Variants in FSTL5 observed in about 807,000 individuals in gnomAD.
FSTL5 encodes follistatin-related protein 5.
A neutral mutation model predicts 89.1 loss-of-function variants in FSTL5; 62 were observed. The observed-to-expected ratio is 0.70, with a 90% CI of 0.57 to 0.86. The LOEUF (loss-of-function observed/expected upper bound fraction) is 0.86. FSTL5 is among the 40% of genes least tolerant of loss of function. FSTL5 has a pLI of 0.00. For missense variants in FSTL5, 1,057 were observed against 1,001.6 expected, an observed-to-expected ratio of 1.06 and a Z score of -0.75; for synonymous variants, 383 against 346.2, an observed-to-expected ratio of 1.11 and a Z score of -1.18.
At chr4:161,447,969 A>C (rs1019382441) in intron 15 of FSTL5, among the ~76,000 whole-genome samples, 12 of 152,160 alleles carry the variant, frequency 7.9e-5, no homozygotes, top group Non-Finnish European at 1.6e-4. Context: ...ATGAGATAAT[A>C]GGTTCTGAAA....
rs142371673 is a variant in FSTL5, at chr4:161,659,674, C to T, written c.728-3180G>A. 3.7e-3 allele frequency among the ~76,000 whole-genome samples: 560 copies of T among 152,198 alleles called. 2 individuals are homozygous for T. The highest frequency in any genetic ancestry group is 0.012 in the African/African-American group (514 of 41,546). On this transcript the variant is annotated intron_variant, in intron 6 of 15. Coordinates refer to ENST00000306100, the MANE Select transcript of FSTL5 (RefSeq NM_020116.5). ...ATCAAGCTGTAATCCAATTTAAAAA[C>T]GATTTTTATATCTATTACTGTAAAT...
At chr4:161,475,996 G>A (rs1445189772) in intron 13 of FSTL5, among the ~76,000 whole-genome samples, 5 of 151,836 alleles carry the variant, frequency 3.3e-5, no homozygotes, top group East Asian at 1.9e-4. Flanking sequence ...CTCGTGATCC[G>A]CCCGCCTGGG....
At chr4:161,638,339 G>C (rs1481729120) in intron 7 of FSTL5, among the ~76,000 whole-genome samples, 2 of 151,988 alleles carry the variant, frequency 1.3e-5, no homozygotes, top group East Asian at 1.9e-4. Context: ...TGCTGAAGTT[G>C]CTTATCAGCT....
At chr4:161,395,676 AT>A (rs1259229763) in intron 15 of FSTL5, among the ~76,000 whole-genome samples, 1 of 152,018 alleles carries the variant, frequency 6.6e-6, no homozygotes, top group Non-Finnish European at 1.5e-5. Flanking sequence ...ACTGTGGGAG[AT>A]TTTTTTCTCC....
intron 6 of FSTL5, among the ~76,000 whole-genome samples, chr4:161,686,136 T>C (rs1177942852): frequency 2.0e-5 from 3 of 151,110 alleles, no homozygotes; most frequent in African/African-American, 7.3e-5. Context: ...TTTTTTGATA[T>C]GTTTTTGGAT....
chr4:161,566,811 G>A (rs550484654), intron 8 of FSTL5, among the ~76,000 whole-genome samples: 2 of 152,130 alleles, frequency 1.3e-5, no homozygotes, highest in South Asian at 2.1e-4. Flanking sequence ...AGCGTTAAAA[G>A]GTATTAATCT....
intron 12 of FSTL5, among the ~76,000 whole-genome samples, chr4:161,495,868 C>T (rs1578877611): frequency 6.6e-6 from 1 of 152,068 alleles, no homozygotes; most frequent in Admixed American, 6.6e-5. Context: ...GGAAATCTGT[C>T]TTCTAAAATG....
chr4:161,676,750 C>T (rs968924521), intron 6 of FSTL5, among the ~76,000 whole-genome samples: 1 of 147,294 alleles, frequency 6.8e-6, no homozygotes, highest in African/African-American at 2.5e-5. Context: ...CATACACGCA[C>T]ACACACACAC....
rs1489459130 is a variant in FSTL5 at position 161,562,111 on chromosome 4, T to G, written c.1016-19418A>C. 5.9e-5 allele frequency among the ~76,000 whole-genome samples: 9 copies of G among 151,978 alleles called. No individual in the cohort carries two copies. The South Asian group carries it at 1.2e-3, about 21-fold the overall frequency. On this transcript the variant is annotated intron_variant, in intron 8 of 15. Transcript: ENST00000306100. Reference sequence around the variant, plus strand: ...CATGGACTCCAGTTCATGCTCATGGTTTTGCAATTTTTCTTGCTCTTCCCC... The same window carrying G: ...CATGGACTCCAGTTCATGCTCATGGGTTTGCAATTTTTCTTGCTCTTCCCC...
intron 7 of FSTL5, among the ~76,000 whole-genome samples, chr4:161,655,598 C>T (rs1222736490): frequency 6.6e-6 from 1 of 152,040 alleles, no homozygotes; most frequent in African/African-American, 2.4e-5. Flanking sequence ...AATATATGCA[C>T]ATGTTAGAAA....
chr4:161,896,588 A>G (rs1174288201), intron 4 of FSTL5, among the ~76,000 whole-genome samples: 1 of 152,188 alleles, frequency 6.6e-6, no homozygotes, highest in Non-Finnish European at 1.5e-5. Flanking sequence ...TATAATATAT[A>G]AAATGCAGTA....
At chr4:162,089,155 G>T (rs1042271750) in intron 2 of FSTL5, among the ~76,000 whole-genome samples, 7 of 152,050 alleles carry the variant, frequency 4.6e-5, no homozygotes, top group African/African-American at 1.7e-4. Context: ...GGATGATGCA[G>T]CAAGAAGGCA....
intron 4 of FSTL5, among the ~76,000 whole-genome samples, chr4:161,864,098 A>G (rs1732003562): frequency 6.6e-6 from 1 of 152,184 alleles, no homozygotes; most frequent in African/African-American, 2.4e-5. Flanking sequence ...ACATTATTTT[A>G]AACTTATCCT....
intron 8 of FSTL5, among the ~76,000 whole-genome samples, chr4:161,553,274 A>G (rs1171561829): frequency 1.3e-5 from 2 of 151,442 alleles, no homozygotes; most frequent in Admixed American, 1.3e-4. Flanking sequence ...TTTATTATGT[A>G]TATATTAATA....
At chr4:162,120,153 GC>G (rs1477571309) in intron 1 of FSTL5, among the ~76,000 whole-genome samples, 1 of 152,150 alleles carries the variant, frequency 6.6e-6, no homozygotes, top group East Asian at 1.9e-4. Flanking sequence ...TTAATTTGAG[GC>G]TAAATGTAGA....
intron 8 of FSTL5, among the ~76,000 whole-genome samples, chr4:161,574,042 A>C (rs2126590034): frequency 6.6e-6 from 1 of 152,182 alleles, no homozygotes; most frequent in East Asian, 1.9e-4. Context: ...CTCATTCCTC[A>C]AGTCACTACA....
chr4:162,144,912 G>A (rs1732909712), intron 1 of FSTL5, among the ~76,000 whole-genome samples: 1 of 149,982 alleles, frequency 6.7e-6, no homozygotes, highest in East Asian at 2.0e-4. Context: ...AAATTAAGAA[G>A]TGAGACTCCC....
At chr4:162,156,584 C>T (rs976477185) in intron 1 of FSTL5, among the ~76,000 whole-genome samples, 16 of 152,102 alleles carry the variant, frequency 1.1e-4, no homozygotes, top group African/African-American at 3.9e-4. Flanking sequence ...AAGATCATGT[C>T]CTGTGCAGCA....
intron 12 of FSTL5, chr4:161,495,422 T>C (rs1401226784): frequency 5.9e-5 from 9 of 152,272 alleles, no homozygotes; most frequent in Non-Finnish European, 1.3e-4. Context: ...AAGTCTGAAA[T>C]AGAATTCTAT....
Sources: allele counts gnomAD v4.1 joint callset (sites outside exome capture counted in the v4.1 genomes callset), GRCh38; gene constraint gnomAD v4.1.1; transcripts MANE v1.5; gene names NCBI Gene and HGNC (gene_info 2026-07-23, HGNC 2026-07-21).